Variants in RUFY1 observed in about 807,000 individuals in gnomAD.
RUFY1 encodes the protein RUN and FYVE domain containing 1, also known as RUN and FYVE domain-containing protein 1.
Under a neutral mutation model 94.6 loss-of-function variants are expected in RUFY1, and 54 were observed. The ratio of observed to expected loss-of-function variants is 0.57; its 90% CI spans 0.46 to 0.72. RUFY1 has a LOEUF of 0.72. Ranked by LOEUF, RUFY1 falls within the 30% of genes least tolerant of loss-of-function variation. The probability of loss-of-function intolerance (pLI) is 0.00; values close to 1 mark genes in which losing one functional copy is unlikely to be tolerated. For synonymous variants in RUFY1, 396 were observed against 347.3 expected, an observed-to-expected ratio of 1.14 and a Z score of -1.56; for missense variants, 883 against 883.9, an observed-to-expected ratio of 1.00 and a Z score of 0.01.
In RUFY1 at chr5:179,583,938, C is replaced by T. The variant is rs189052074; in HGVS notation, c.957-1858C>T. On this transcript the variant is annotated intron_variant, in intron 7 of 17. Coordinates refer to ENST00000319449, the MANE Select transcript of RUFY1 (RefSeq NM_025158.5). ...CTAATTTTTTGTATTTTAGTAGAGA[C>T]GGGGTTTCACCGTGTTAGCCAGGAT... Among the ~76,000 whole-genome samples the T allele has an allele frequency of 4.8e-3, 723 of 151,000 alleles. 4 individuals carry two copies. Among genetic ancestry groups the T allele is most frequent in the Middle Eastern group, 0.041 (12 of 290 alleles).
chr5:179,561,966 G>A (rs1318483874), intron 2 of RUFY1, among the ~76,000 whole-genome samples: 3 of 151,070 alleles, frequency 2.0e-5, no homozygotes, highest in Admixed American at 1.3e-4. Context: ...TTACAGGTGT[G>A]AGCCACTGTG....
rs1761801154 is a variant in RUFY1 at position 179,550,887 on chromosome 5, C to T, written c.310+8C>T. The T allele has an allele frequency of 3.5e-6, 4 of 1,145,938 alleles. No homozygotes were observed. Among genetic ancestry groups the T allele is most frequent in the Non-Finnish European group, 4.3e-6 (4 of 935,304 alleles). 71.0% of individuals were successfully genotyped at this position (1,145,938 alleles called of 1,614,324 possible). On this transcript the variant is annotated splice_region_variant and intron_variant, in intron 1 of 17. Coordinates refer to ENST00000319449, the MANE Select transcript of RUFY1 (RefSeq NM_025158.5). The stretch of plus-strand genomic sequence containing the variant: ...ACGGCACGGCGCGCGCAGGTAGGCT[C>T]GGGCCGGGTCTGTCCCGCGGCGGAC...
At chr5:179,588,170 T>TA (rs1232442867) in intron 8 of RUFY1, among the ~76,000 whole-genome samples, 1 of 152,060 alleles carries the variant, frequency 6.6e-6, no homozygotes, top group East Asian at 1.9e-4. Flanking sequence ...GCACAGCAGT[T>TA]AATGTGTAGA....
intron 9 of RUFY1, among the ~76,000 whole-genome samples, chr5:179,589,850 C>A (rs1406209756): frequency 6.6e-6 from 1 of 152,328 alleles, no homozygotes; most frequent in East Asian, 1.9e-4. Flanking sequence ...CCTTCATGGC[C>A]TGTGGGCCTT....
chr5:179,575,296 C>T lies in RUFY1; in HGVS notation c.829-1779C>T, dbSNP rs933797152. Among the ~76,000 whole-genome samples, 6 of 152,250 alleles carry T rather than the reference C, an allele frequency of 3.9e-5. No homozygotes were observed. The East Asian group carries it at 9.7e-4, about 25-fold the overall frequency. ...TCTTGTTCAAGAGCGCACGTGCTTACAGTCAGGTGATGGCTGGGGCTGAAA... is the reference window on the plus strand; with the variant it reads ...TCTTGTTCAAGAGCGCACGTGCTTATAGTCAGGTGATGGCTGGGGCTGAAA... On this transcript the variant is annotated intron_variant, in intron 5 of 17. Transcript: ENST00000319449.
At chr5:179,605,828 GCCTCA>G in intron 15 of RUFY1, 43 bp from the exon 16 acceptor site, 5 of 1,239,746 alleles carry the variant, frequency 4.0e-6, no homozygotes, top group Non-Finnish European at 5.9e-6. Flanking sequence ...GGGATTCAGA[GCCTCA>G]CTCTCTCTCA....
chr5:179,597,349 C>T (rs952078502), intron 13 of RUFY1, among the ~76,000 whole-genome samples: 3 of 152,164 alleles, frequency 2.0e-5, no homozygotes, highest in Non-Finnish European at 2.9e-5. Flanking sequence ...CATTCTCCTG[C>T]CTCAGCCTCC....
intron 5 of RUFY1, among the ~76,000 whole-genome samples, chr5:179,574,318 C>T (rs887113479): frequency 1.3e-5 from 2 of 152,120 alleles, no homozygotes; most frequent in Non-Finnish European, 2.9e-5. Context: ...TCGCTGGAAC[C>T]TGGGAGGCAG....
At chr5:179,599,145 T>A in intron 14 of RUFY1, 1 of 257,938 alleles carries the variant, frequency 3.9e-6, no homozygotes, top group African/African-American at 2.2e-5. Flanking sequence ...AAGCACCTCT[T>A]GGGTGGAGAC....
Position 179,582,618 on chromosome 5 carries a change from C to T in RUFY1, c.956+1606C>T, listed in dbSNP as rs543802683. Among the ~76,000 whole-genome samples, 11 of 152,156 alleles carry T rather than the reference C, an allele frequency of 7.2e-5. No homozygotes were observed. In the East Asian group the frequency reaches 1.4e-3, roughly 19 times the overall value. ...CTGTAATCCCAACACTTTGGGAGGC[C>T]GACGTGGGTGGATTACCTGAGGTTG... On this transcript the variant is annotated intron_variant, in intron 7 of 17. Coordinates refer to ENST00000319449, the MANE Select transcript of RUFY1 (RefSeq NM_025158.5).
intron 3 of RUFY1, among the ~76,000 whole-genome samples, chr5:179,566,679 A>G (rs1762856433): frequency 6.6e-6 from 1 of 152,052 alleles, no homozygotes; most frequent in African/African-American, 2.4e-5. Context: ...ACTTAACACT[A>G]CTTAACTGTA....
intron 16 of RUFY1, chr5:179,606,722 A>C (rs73810812): frequency 0.033 from 5,089 of 152,418 alleles, 107 homozygotes; most frequent in Middle Eastern, 0.088. Context: ...CAGAGGATAG[A>C]AATCATAAAA....
At chr5:179,579,657 C>CTTTTTTTGTTTTTTTTT (rs1763945195) in intron 6 of RUFY1, among the ~76,000 whole-genome samples, 1 of 50,548 alleles carries the variant, frequency 2.0e-5, no homozygotes, top group Non-Finnish European at 3.8e-5. Flanking sequence ...TTTTCTTCTT[C>CTTTTTTTGTTTTTTTTT]TTTTTTTTTT....
intron 10 of RUFY1, among the ~76,000 whole-genome samples, chr5:179,592,037 C>T (rs1024911382): frequency 6.6e-6 from 1 of 152,212 alleles, no homozygotes; most frequent in Non-Finnish European, 1.5e-5. Context: ...ACTCTGCCTC[C>T]TGGGTTCAAG....
intron 15 of RUFY1, among the ~76,000 whole-genome samples, chr5:179,603,927 C>T (rs996429835): frequency 5.3e-5 from 8 of 152,124 alleles, no homozygotes; most frequent in African/African-American, 1.2e-4. Flanking sequence ...CATGGTGGAG[C>T]GCGCCTGTAA....
chr5:179,574,667 C>G (rs1333381018), intron 5 of RUFY1, among the ~76,000 whole-genome samples: 2 of 151,700 alleles, frequency 1.3e-5, no homozygotes, highest in Non-Finnish European at 2.9e-5. Flanking sequence ...TTCAGCTCTA[C>G]TAAGCTAGAG....
Position 179,550,735 on chromosome 5 carries a change from C to A in RUFY1, c.166C>A (p.Pro56Thr). ...GPGDLRSATR[P>T]RAAEGWSAPI... ...AGGCGACCTGCGGAGCGCAACGAGG[C>A]CGCGGGCGGCCGAGGGCTGGTCGGC... The change falls in exon 1 of 18, where the codon CCG becomes ACG. Residue 56 changes from proline (P) to threonine (T), a missense_variant. By Grantham distance (38) the Pro-to-Thr change is conservative. Transcript: ENST00000319449. 1 of 1,464,770 alleles carries A rather than the reference C, an allele frequency of 6.8e-7. No individual in the cohort carries two copies. The highest frequency in any genetic ancestry group is 1.3e-5 in the South Asian group (1 of 77,712). The allele number at this position is 1,464,770 out of a possible 1,614,324, so 90.7% of individuals were successfully genotyped here.
chr5:179,606,026 T>G (rs1227755426), intron 16 of RUFY1, 102 bp downstream of exon 16: 5 of 812,922 alleles, frequency 6.2e-6, no homozygotes, highest in Non-Finnish European at 1.1e-5. Flanking sequence ...AGCGTGTGGT[T>G]GAGGCAGTGG....
At chr5:179,576,948 A>T in intron 5 of RUFY1, 127 bp from the exon 6 acceptor site, 2 of 671,842 alleles carry the variant, frequency 3.0e-6, no homozygotes, top group Admixed American at 2.6e-5. Context: ...TCCACTTCAT[A>T]GAGCTGGCTG....
Sources: gnomAD v4.1 joint callset for allele counts (sites outside exome capture counted in the v4.1 genomes callset) on GRCh38, gnomAD v4.1.1 for gene constraint, MANE v1.5 for transcripts, NCBI Gene and HGNC (gene_info 2026-07-23, HGNC 2026-07-21) for gene names.